The following ADAMTS20 variants were observed in gnomAD, a reference collection of about 807,000 sequenced individuals.
ADAMTS20 encodes the protein A disintegrin and metalloproteinase with thrombospondin motifs 20.
Under a neutral mutation model 260.1 loss-of-function variants are expected in ADAMTS20, and 225 were observed. The observed-to-expected ratio is 0.87, with a 90% CI of 0.78 to 0.97. The LOEUF (loss-of-function observed/expected upper bound fraction) is 0.97, where lower values mean the gene tolerates loss of function less well. Ranked by LOEUF, ADAMTS20 falls within the 50% of genes least tolerant of loss-of-function variation. ADAMTS20 has a pLI of 0.00. For missense variants in ADAMTS20, 2,400 were observed against 2,337.7 expected, an observed-to-expected ratio of 1.03 and a Z score of -0.55; for synonymous variants, 802 against 769.5, an observed-to-expected ratio of 1.04 and a Z score of -0.70.
At chr12:43,419,252 C>T (rs1272428599) in intron 28 of ADAMTS20, among the ~76,000 whole-genome samples, 1 of 151,888 alleles carries the variant, frequency 6.6e-6, no homozygotes, top group Non-Finnish European at 1.5e-5. Context: ...GGCACATTCT[C>T]AAAATGTTCT....
chr12:43,421,621 C>T (rs1467004144), intron 28 of ADAMTS20, among the ~76,000 whole-genome samples: 1 of 151,906 alleles, frequency 6.6e-6, no homozygotes, highest in Non-Finnish European at 1.5e-5. Context: ...TTAAAGACTA[C>T]CTTGGTCATA....
chr12:43,422,175 T>C (rs1941249206), intron 28 of ADAMTS20, among the ~76,000 whole-genome samples: 1 of 152,032 alleles, frequency 6.6e-6, no homozygotes, highest in Non-Finnish European at 1.5e-5. Context: ...TTCTACAACA[T>C]GAAGAAAATT....
intron 7 of ADAMTS20, among the ~76,000 whole-genome samples, chr12:43,490,002 T>A (rs1942577605): frequency 6.6e-6 from 1 of 152,032 alleles, no homozygotes; most frequent in Non-Finnish European, 1.5e-5. Flanking sequence ...AATACAAAAT[T>A]CATGCTATTG....
chr12:43,500,704 A>G (rs1185186661), intron 4 of ADAMTS20, among the ~76,000 whole-genome samples: 1 of 152,126 alleles, frequency 6.6e-6, no homozygotes, highest in East Asian at 1.9e-4. Context: ...GAATTCTGAA[A>G]AAATATTACT....
Position 43,399,095 on chromosome 12 carries a change from G to A in ADAMTS20, c.4423C>T (p.Pro1475Ser). ...THKACRSVRC[P>S]SWKANSWNEC... ...TTCCAGCTATTGGCTTTCCATGAAG[G>A]GCATCTGACAGATCTACAGGCTTTG... The change falls in exon 29 of 39, where the codon CCT becomes TCT. Residue 1475 changes from proline (P) to serine (S), a missense_variant. Pro to Ser is a moderately conservative substitution (Grantham distance 74, BLOSUM62 -1). Transcript: ENST00000389420. 1 of 1,531,818 alleles carries A rather than the reference G, an allele frequency of 6.5e-7. No homozygotes were observed. The highest frequency in any genetic ancestry group is 2.1e-5 in the Admixed American group (1 of 48,000). 94.9% of individuals were successfully genotyped at this position (1,531,818 alleles called of 1,614,324 possible).
chr12:43,460,990 T>TATA (rs1942054178), intron 11 of ADAMTS20, among the ~76,000 whole-genome samples: 44 of 27,784 alleles, frequency 1.6e-3, no homozygotes, highest in Admixed American at 1.9e-3. Context: ...ATATATATAT[T>TATA]TTTTTTTTTT....
At chr12:43,375,950 T>G (rs539536909) in intron 35 of ADAMTS20, 107 bp downstream of exon 35, 1 of 810,414 alleles carries the variant, frequency 1.2e-6, no homozygotes, top group Non-Finnish European at 1.9e-6. Flanking sequence ...GCTCCTACAT[T>G]ATTTGTCTCA....
Position 43,376,477 on chromosome 12 carries a change from C to T in ADAMTS20, c.5125+47G>A, listed in dbSNP as rs770774778. ...CTACAGATATTTATTTTAACTGAAA[C>T]TTATTAGAAACCCTTAGGTATTAGA... On this transcript the variant is annotated intron_variant, in intron 33 of 38. Coordinates refer to ENST00000389420, the MANE Select transcript of ADAMTS20 (RefSeq NM_025003.5). 6.4e-6 allele frequency: 10 copies of T among 1,565,230 alleles called. No homozygotes were observed. The South Asian group carries it at 1.2e-4, about 19-fold the overall frequency.
At chr12:43,487,772 C>G (rs1010283533) in intron 7 of ADAMTS20, among the ~76,000 whole-genome samples, 5 of 151,884 alleles carry the variant, frequency 3.3e-5, no homozygotes, top group Non-Finnish European at 7.4e-5. Context: ...CCAAAATATT[C>G]TTGAAGAAAA....
intron 37 of ADAMTS20, among the ~76,000 whole-genome samples, chr12:43,364,541 A>G (rs1319881824): frequency 6.6e-6 from 1 of 152,184 alleles, no homozygotes; most frequent in Non-Finnish European, 1.5e-5. Context: ...TTTTACAAAG[A>G]GTCAAAGGAA....
At chr12:43,382,944 C>T (rs958320381) in intron 31 of ADAMTS20, among the ~76,000 whole-genome samples, 1 of 151,976 alleles carries the variant, frequency 6.6e-6, no homozygotes, top group Admixed American at 6.6e-5. Flanking sequence ...ATACATACTA[C>T]AACCTGATCA....
At chr12:43,528,651 T>A (rs1050005287) in intron 3 of ADAMTS20, among the ~76,000 whole-genome samples, 4 of 151,906 alleles carry the variant, frequency 2.6e-5, no homozygotes, top group Non-Finnish European at 5.9e-5. Flanking sequence ...TGTACAAAAA[T>A]CAACTCAAGA....
At chr12:43,393,877 T>C (rs1364802016) in intron 29 of ADAMTS20, among the ~76,000 whole-genome samples, 1 of 152,080 alleles carries the variant, frequency 6.6e-6, no homozygotes, top group Non-Finnish European at 1.5e-5. Context: ...TTAACTTCAT[T>C]GTGGCTATGT....
chr12:43,357,546 T>C (rs1227213552), intron 37 of ADAMTS20, among the ~76,000 whole-genome samples: 2 of 152,210 alleles, frequency 1.3e-5, no homozygotes, highest in Admixed American at 6.5e-5. Flanking sequence ...CAATCTTATA[T>C]TGTATATTTC....
At chr12:43,437,769 AT>A (rs1941584418) in intron 18 of ADAMTS20, among the ~76,000 whole-genome samples, 1 of 152,200 alleles carries the variant, frequency 6.6e-6, no homozygotes, top group African/African-American at 2.4e-5. Flanking sequence ...AAAACAGGGA[AT>A]CTAACACAGA....
At chr12:43,441,038 A>C (rs975039065) in intron 16 of ADAMTS20, among the ~76,000 whole-genome samples, 11 of 148,256 alleles carry the variant, frequency 7.4e-5, no homozygotes, top group African/African-American at 2.2e-4. Flanking sequence ...GCACTCCAGC[A>C]TGGGAGATTG....
intron 3 of ADAMTS20, among the ~76,000 whole-genome samples, chr12:43,513,147 A>G (rs1942948190): frequency 6.6e-6 from 1 of 152,212 alleles, no homozygotes; most frequent in African/African-American, 2.4e-5. Flanking sequence ...GGAAAAAAGA[A>G]GGCACTAGAA....
At chr12:43,512,818 A>G (rs962215556) in intron 3 of ADAMTS20, among the ~76,000 whole-genome samples, 2 of 152,230 alleles carry the variant, frequency 1.3e-5, no homozygotes, top group African/African-American at 2.4e-5. Flanking sequence ...TAAATGGCAT[A>G]GCAAATATAT....
At chr12:43,372,190 C>A (rs912111807) in intron 36 of ADAMTS20, among the ~76,000 whole-genome samples, 3 of 152,044 alleles carry the variant, frequency 2.0e-5, no homozygotes, top group African/African-American at 7.3e-5. Flanking sequence ...TAATGAGATT[C>A]CCAAATAACA....
Sources: allele counts gnomAD v4.1 joint callset (sites outside exome capture counted in the v4.1 genomes callset), GRCh38; gene constraint gnomAD v4.1.1; transcripts MANE v1.5; gene names NCBI Gene and HGNC (gene_info 2026-07-23, HGNC 2026-07-21).